The following KIF3C variants were observed in gnomAD, a reference collection of about 807,000 sequenced individuals.
KIF3C encodes the protein kinesin family member 3C.
In KIF3C, 12 loss-of-function variants were observed where a neutral mutation model predicts 67.7. The observed-to-expected ratio is 0.18, with a 90% confidence interval of 0.11 to 0.29. The LOEUF (loss-of-function observed/expected upper bound fraction) is 0.29, where lower values mean the gene tolerates loss of function less well. Ranked by LOEUF, KIF3C falls within the 10% of genes least tolerant of loss-of-function variation. The probability of loss-of-function intolerance (pLI) is 1.00; values close to 1 mark genes in which losing one functional copy is unlikely to be tolerated. For missense variants in KIF3C, 789 were observed against 1,059.6 expected (o/e 0.74, Z 3.55); for synonymous variants, 393 against 426.2 (o/e 0.92, Z 0.96).
At chr2:25,978,661 A>G (rs1291817845) in intron 1 of KIF3C, among the ~76,000 whole-genome samples, 1 of 152,136 alleles carries the variant, frequency 6.6e-6, no homozygotes, top group Non-Finnish European at 1.5e-5. Flanking sequence ...AGTTCCCAAC[A>G]ACGGAAACCT....
At chr2:25,929,110 G>A (rs2090436296) in intron 7 of KIF3C, 39 bp from the exon 8 acceptor site, 1 of 1,564,308 alleles carries the variant, frequency 6.4e-7, no homozygotes, top group South Asian at 1.1e-5. Flanking sequence ...GGAGGTTAGG[G>A]AAATACAGGA....
chr2:25,954,473 A>G (rs1298630598), intron 3 of KIF3C, 88 bp from the exon 4 acceptor site: 2 of 950,756 alleles, frequency 2.1e-6, no homozygotes, highest in Non-Finnish European at 3.3e-6. Context: ...CTGCAGGCTC[A>G]GAGTCTACCG....
At position 25,981,523 on chromosome 2, in the gene KIF3C, G is replaced by C. The variant is rs777412440; in HGVS notation, c.395C>G (p.Ser132Cys). ...NAFEHIFTHI[S>C]RSQNQQYLVR... The stretch of plus-strand genomic sequence containing the variant: ...CAGGTACTGTTGGTTCTGGGAGCGG[G>C]AGATGTGGGTGAAGATGTGCTCAAA... The change falls in exon 1 of 8, where the codon TCC becomes TGC. Residue 132 changes from serine to cysteine, a missense_variant. Coordinates refer to ENST00000264712, the MANE Select transcript of KIF3C (RefSeq NM_002254.8). The surrounding 1 kb of genome is among the most constrained non-coding windows in gnomAD (Gnocchi z 8.2). 1 of 1,614,104 alleles carries C rather than the reference G, an allele frequency of 6.2e-7. No individual in the cohort carries two copies. The highest frequency in any genetic ancestry group is 2.2e-5 in the East Asian group (1 of 44,894).
intron 1 of KIF3C, among the ~76,000 whole-genome samples, chr2:25,979,666 C>A (rs1364921724): frequency 2.6e-5 from 4 of 152,178 alleles, no homozygotes; most frequent in African/African-American, 9.7e-5. Flanking sequence ...CAAGCAATGG[C>A]TCCTGCACTG....
In KIF3C at chr2:25,982,398, C is replaced by A; in HGVS notation, c.-481G>T. 2.5e-6 allele frequency: 1 copy of A among 398,658 alleles called. No individual in the cohort carries two copies. Among genetic ancestry groups the A allele is most frequent in the East Asian group, 3.6e-5 (1 of 28,064 alleles). 24.7% of individuals were successfully genotyped at this position (398,658 alleles called of 1,614,324 possible). A position where few individuals can be genotyped will look rare whatever the true frequency, so the allele number is the denominator to read the frequency against. ...AGGGCAGAGGCTCACCTGGAGTCCT[C>A]CCCCCAAGCTGGGGGATCATTCATT... is the stretch of plus-strand genomic sequence containing the variant. On this transcript the variant is annotated 5_prime_UTR_variant, in exon 1 of 8. The change creates a premature stop within an existing upstream ORF in the 5' untranslated region. Transcript: ENST00000264712.
In KIF3C at chr2:25,930,021, G is replaced by T; in HGVS notation, c.2049C>A (p.Gly683=). ...QMKKRPTSAV[G]YKRPISQYAR... is the part of the protein sequence containing the mutation. ...CATACTGGCTGATAGGCCTCTTGTA[G>T]CCCACTGCAGATGTTGGCCGCTTCT... The change falls in exon 6 of 8, where the codon GGC becomes GGA. Residue 683 remains glycine (G), a synonymous_variant. Transcript: ENST00000264712. 6.2e-7 allele frequency: 1 copy of T among 1,614,160 alleles called. No individual in the cohort carries two copies. Among genetic ancestry groups the T allele is most frequent in the Non-Finnish European group, 8.5e-7 (1 of 1,179,984 alleles).
chr2:25,977,538 G>T (rs1664447761), intron 1 of KIF3C, among the ~76,000 whole-genome samples: 1 of 152,180 alleles, frequency 6.6e-6, no homozygotes, highest in African/African-American at 2.4e-5. Flanking sequence ...AGCTGGGATG[G>T]CAGGGTAAAG....
At chr2:25,934,630 T>C (rs1447778829) in intron 5 of KIF3C, among the ~76,000 whole-genome samples, 5 of 152,026 alleles carry the variant, frequency 3.3e-5, no homozygotes. Context: ...GTGGTGACGG[T>C]TGTATAACTC....
Position 25,962,950 on chromosome 2 carries a change from TA to T in KIF3C, c.1546-6507del, listed in dbSNP as rs1391138992. ...TATAATACATATAATATATAATATATAATATATAATATATATAATATATAAT... is the reference window on the plus strand; with the variant it reads ...TATAATACATATAATATATAATATATATATATAATATATATAATATATAAT... On this transcript the variant is annotated intron_variant, in intron 1 of 7. Transcript: ENST00000264712. Among the ~76,000 whole-genome samples the T allele has an allele frequency of 8.4e-5, 3 of 35,508 alleles. 1 individual carries two copies. Among genetic ancestry groups the T allele is most frequent in the African/African-American group, 7.5e-4 (3 of 4,006 alleles). The allele number at this position is 35,508 out of a possible 152,430, so 23.3% of individuals were successfully genotyped here.
chr2:25,971,044 G>A lies in KIF3C; in HGVS notation c.1545+9329C>T, dbSNP rs548175865. Among the ~76,000 whole-genome samples the A allele has an allele frequency of 1.1e-4, 16 of 151,808 alleles. 1 individual carries two copies. The highest frequency in any genetic ancestry group is 3.4e-3 in the Middle Eastern group (1 of 294). ...TCCCAGCACTTTGGGAGGCCGAGGC[G>A]GGCGGATCACAAGGTCAGGAGATGG... On this transcript the variant is annotated intron_variant, in intron 1 of 7. Coordinates refer to ENST00000264712, the MANE Select transcript of KIF3C (RefSeq NM_002254.8).
chr2:25,952,211 G>C (rs1391516154), intron 4 of KIF3C, among the ~76,000 whole-genome samples: 2 of 152,170 alleles, frequency 1.3e-5, no homozygotes, highest in African/African-American at 4.8e-5. Context: ...TGAGGCAGGA[G>C]AATGGCATGA....
At chr2:25,962,978 T>C (rs1379823743) in intron 1 of KIF3C, among the ~76,000 whole-genome samples, 2 of 46,982 alleles carry the variant, frequency 4.3e-5, no homozygotes, top group African/African-American at 1.5e-4. Context: ...ATATATAATA[T>C]ATAATATATA....
In KIF3C at chr2:25,967,012, C is replaced by A. The variant is rs111715134; in HGVS notation, c.1546-10568G>T. ...TGACCACCACCGCCCTAACTCCAAG[C>A]CCAATGTCCTTTTCTCTGTTCCATG... On this transcript the variant is annotated intron_variant, in intron 1 of 7. Coordinates refer to ENST00000264712, the MANE Select transcript of KIF3C (RefSeq NM_002254.8). Among the ~76,000 whole-genome samples the A allele has an allele frequency of 1.6e-3, 248 of 152,316 alleles. 2 individuals are homozygous for A. The highest frequency in any genetic ancestry group is 5.7e-3 in the African/African-American group (237 of 41,574).
In KIF3C at chr2:25,981,490, GC is replaced by G; in HGVS notation, c.427del (p.Ala143ProfsTer23). The G allele has an allele frequency of 6.2e-7, 1 of 1,614,112 alleles. No individual in the cohort carries two copies. Among genetic ancestry groups the G allele is most frequent in the Non-Finnish European group, 8.5e-7 (1 of 1,180,024 alleles). On this transcript the variant is annotated frameshift_variant, in exon 1 of 8. Transcript: ENST00000264712. LOFTEE classifies it high-confidence loss of function. The surrounding 1 kb of genome is among the most constrained non-coding windows in gnomAD (Gnocchi z 8.2). ...RSQNQQYLVR[A>X]SYLEIYQEEI... ...TTCCTGGTAGATCTCCAAATAGGAG[GC>G]CCGGACCAGGTACTGTTGGTTCTGG... is the stretch of plus-strand genomic sequence containing the variant.
chr2:25,933,118 G>T (rs932230518), intron 5 of KIF3C, among the ~76,000 whole-genome samples: 1 of 151,816 alleles, frequency 6.6e-6, no homozygotes, highest in African/African-American at 2.4e-5. Flanking sequence ...AGGCGTGGCA[G>T]CATGTATCTG....
intron 5 of KIF3C, among the ~76,000 whole-genome samples, chr2:25,945,186 T>C (rs914768362): frequency 6.6e-6 from 1 of 151,578 alleles, no homozygotes; most frequent in African/African-American, 2.4e-5. Context: ...TTTAGAAGAG[T>C]TGCCAACACA....
rs1664554134 is a variant in KIF3C, at chr2:25,980,820, C to T, written c.1098G>A (p.Lys366=). 3.7e-6 allele frequency: 6 copies of T among 1,614,212 alleles called. No individual in the cohort carries two copies. Among genetic ancestry groups the T allele is most frequent in the South Asian group, 1.1e-5 (1 of 91,088 alleles). ...GGTCCTCGTTCACCCGGGGCTTGTTCTTGATGTTCTTGGCTCGGTTGGCAA... is the reference window on the plus strand; with the variant it reads ...GGTCCTCGTTCACCCGGGGCTTGTTTTTGATGTTCTTGGCTCGGTTGGCAA... The part of the protein sequence containing the change: ...LRFANRAKNI[K]NKPRVNEDPK... Residue 366 remains lysine (K), a synonymous_variant, in exon 1 of 8, where the codon AAG becomes AAA. Coordinates refer to ENST00000264712, the MANE Select transcript of KIF3C (RefSeq NM_002254.8). This position sits in a 1 kb window ranked among gnomAD's most constrained non-coding sequence, Gnocchi z 7.6.
At position 25,981,232 on chromosome 2, in the gene KIF3C, C is replaced by G. The variant is rs138077647; in HGVS notation, c.686G>C (p.Arg229Pro). Residue 229 changes from arginine to proline, a missense_variant, in exon 1 of 8, where the codon CGT (arginine) becomes CCT (proline). Transcript: ENST00000264712. This position sits in a 1 kb window ranked among gnomAD's most constrained non-coding sequence, Gnocchi z 8.2. ...IFIITVECSERGSDGQDHIRV... is the reference protein window; with the variant it reads ...IFIITVECSEPGSDGQDHIRV... ...GATGTGGTCCTGGCCATCAGAGCCA[C>G]GTTCGCTGCACTCCACAGTGATGAT... 1.8e-5 allele frequency: 29 copies of G among 1,614,054 alleles called. No homozygotes were observed. Among genetic ancestry groups the G allele is most frequent in the Non-Finnish European group, 2.5e-5 (29 of 1,180,030 alleles).
intron 1 of KIF3C, among the ~76,000 whole-genome samples, chr2:25,970,029 T>G (rs1437725933): frequency 6.6e-6 from 1 of 152,182 alleles, no homozygotes; most frequent in Non-Finnish European, 1.5e-5. Flanking sequence ...GATTTGTTGA[T>G]TATACGAACG....
Sources: gnomAD v4.1 joint callset for allele counts (sites outside exome capture counted in the v4.1 genomes callset) on GRCh38, gnomAD v4.1.1 for gene constraint, Gnocchi (gnomAD v3.1) non-coding constraint, MANE v1.5 for transcripts, NCBI Gene and HGNC (gene_info 2026-07-23, HGNC 2026-07-21) for gene names.